Variants in GATAD2A observed in about 807,000 individuals in gnomAD.
GATAD2A encodes the protein GATA zinc finger domain containing 2A, also known as transcriptional repressor p66-alpha.
Under a neutral mutation model 68.5 loss-of-function variants are expected in GATAD2A, and 12 were observed. That is an observed-to-expected ratio of 0.18 (90% CI 0.11 to 0.28). GATAD2A has a LOEUF of 0.28. Among genes scored for constraint, GATAD2A ranks in the 10% least tolerant of loss-of-function variants. The pLI is 1.00. For missense variants in GATAD2A, 755 were observed against 868.5 expected, an observed-to-expected ratio of 0.87 and a Z score of 1.64; for synonymous variants, 410 against 375.3, an observed-to-expected ratio of 1.09 and a Z score of -1.07.
At chr19:19,419,371 C>T (rs966484879) in intron 1 of GATAD2A, among the ~76,000 whole-genome samples, 1 of 152,292 alleles carries the variant, frequency 6.6e-6, no homozygotes, top group East Asian at 1.9e-4. Context: ...GTGGCTGTTC[C>T]TGCCCATGGA....
At chr19:19,388,342 C>T (rs2048603330) in intron 1 of GATAD2A, among the ~76,000 whole-genome samples, 1 of 152,120 alleles carries the variant, frequency 6.6e-6, no homozygotes, top group South Asian at 2.1e-4. Flanking sequence ...CAGGCGTGAA[C>T]CACCGCGCCC....
intron 1 of GATAD2A, among the ~76,000 whole-genome samples, chr19:19,418,072 C>T (rs2051872571): frequency 6.6e-6 from 1 of 152,156 alleles, no homozygotes; most frequent in African/African-American, 2.4e-5. Flanking sequence ...TGGAGGGTGA[C>T]ATAGGCCCTC....
chr19:19,433,399 A>G (rs1031889051), intron 1 of GATAD2A, among the ~76,000 whole-genome samples: 1 of 152,102 alleles, frequency 6.6e-6, no homozygotes. Context: ...CTGTTTTTCC[A>G]TGTTGTTTTC....
intron 1 of GATAD2A, among the ~76,000 whole-genome samples, chr19:19,425,168 G>A (rs1035287448): frequency 3.3e-5 from 5 of 152,172 alleles, no homozygotes; most frequent in East Asian, 3.9e-4. Flanking sequence ...GCCACTGACC[G>A]TAAAGGTAAT....
At chr19:19,410,722 G>C (rs957191154) in intron 1 of GATAD2A, among the ~76,000 whole-genome samples, 1 of 152,204 alleles carries the variant, frequency 6.6e-6, no homozygotes, top group Non-Finnish European at 1.5e-5. Context: ...GTGGCCGTGT[G>C]CCTATTGCTG....
chr19:19,489,989 G>A (rs1167542291), intron 2 of GATAD2A, among the ~76,000 whole-genome samples: 3 of 152,188 alleles, frequency 2.0e-5, no homozygotes, highest in Non-Finnish European at 4.4e-5. Context: ...GTCGATCTTG[G>A]GCGGCATGGG....
intron 1 of GATAD2A, among the ~76,000 whole-genome samples, chr19:19,412,290 G>C (rs2051051187): frequency 6.6e-6 from 1 of 151,660 alleles, no homozygotes; most frequent in Non-Finnish European, 1.5e-5. Context: ...CAAGTAGCTG[G>C]GACTACAGGT....
chr19:19,461,536 G>A (rs139341054), intron 1 of GATAD2A, among the ~76,000 whole-genome samples: 3 of 152,270 alleles, frequency 2.0e-5, no homozygotes, highest in East Asian at 3.9e-4. Context: ...GGCATTTTAC[G>A]AAAATAAAGC....
rs180911069 is a variant in GATAD2A, at chr19:19,386,727, C to T, written c.-7+589C>T. On this transcript the variant is annotated intron_variant, in intron 1 of 11. Coordinates refer to the GATAD2A transcript ENST00000360315. ...CGACCCTGCTTCTCTGAGGGGACAA[C>T]CCCTCTTATCAGGGGCTCCCCCGCC... Among the ~76,000 whole-genome samples, 330 of 152,088 alleles carry T rather than the reference C, an allele frequency of 2.2e-3. 2 individuals carry two copies. The highest frequency in any genetic ancestry group is 0.016 in the South Asian group (78 of 4,822).
In GATAD2A at chr19:19,498,610, C is replaced by T. The variant is rs760659472; in HGVS notation, c.1092C>T (p.Pro364=). 6.2e-7 allele frequency: 1 copy of T among 1,613,768 alleles called. No individual in the cohort carries two copies. Among genetic ancestry groups the T allele is most frequent in the Non-Finnish European group, 8.5e-7 (1 of 1,179,886 alleles). ...KQLEKTLLEI[P]PPKPPAPEMN... Reference sequence around the variant, plus strand: ...TGGAGAAGACGCTACTCGAGATCCCCCCACCCAAGCCCCCAGCCCCAGAGA... The same window carrying T: ...TGGAGAAGACGCTACTCGAGATCCCTCCACCCAAGCCCCCAGCCCCAGAGA... Residue 364 remains proline (P), a synonymous_variant, in exon 8 of 12, where the codon CCC becomes CCT. Coordinates refer to ENST00000683918, the MANE Select transcript of GATAD2A (RefSeq NM_001384528.1).
intron 1 of GATAD2A, among the ~76,000 whole-genome samples, chr19:19,415,535 C>T (rs147033796): frequency 6.6e-6 from 1 of 151,630 alleles, no homozygotes. Flanking sequence ...CTGTAACCTC[C>T]GCTTCCCAGA....
At chr19:19,498,145 A>G (rs1439399402) in intron 7 of GATAD2A, among the ~76,000 whole-genome samples, 1 of 152,258 alleles carries the variant, frequency 6.6e-6, no homozygotes, top group African/African-American at 2.4e-5. Context: ...GTGCCCTCAC[A>G]TTCACATGGC....
chr19:19,505,299 C>A (rs1227036806), intron 11 of GATAD2A, 45 bp from the exon 12 acceptor site: 2 of 1,604,510 alleles, frequency 1.2e-6, no homozygotes, highest in Non-Finnish European at 1.7e-6. Context: ...CCCAGGAGCC[C>A]TCCTGACGAG....
At chr19:19,421,334 A>G (rs1161266806) in intron 1 of GATAD2A, among the ~76,000 whole-genome samples, 1 of 152,116 alleles carries the variant, frequency 6.6e-6, no homozygotes, top group Non-Finnish European at 1.5e-5. Context: ...TGAGTGAACT[A>G]ACGCCCCTGC....
At chr19:19,414,837 CTTTTTTTTTTTT>C (rs56353005) in intron 1 of GATAD2A, among the ~76,000 whole-genome samples, 2 of 74,758 alleles carry the variant, frequency 2.7e-5, no homozygotes, top group Admixed American at 2.8e-4. Flanking sequence ...ACCCTGCCCC[CTTTTTTTTTTTT>C]TTTTTTTTTT....
intron 5 of GATAD2A, 120 bp from the exon 6 acceptor site, chr19:19,495,634 T>TA (rs3067692): frequency 0.13 from 70,903 of 541,592 alleles, 95 homozygotes; most frequent in Middle Eastern, 0.14. Context: ...CTCTGCTACT[T>TA]AAAAAAAAAA....
rs2148462088 is a variant in GATAD2A, at chr19:19,498,489, C to T, written c.971C>T (p.Ala324Val). ...LKGTTATSAQ[A>V]NSTPTSVASV... Reference sequence around the variant, plus strand: ...GGGACAACAGCCACCTCCGCTCAGGCCAACTCCACCCCCACTAGTGTGGCC... The same window carrying T: ...GGGACAACAGCCACCTCCGCTCAGGTCAACTCCACCCCCACTAGTGTGGCC... The change falls in exon 8 of 12, where the codon GCC (alanine) becomes GTC (valine). Residue 324 changes from alanine (A) to valine (V), a missense_variant. By Grantham distance (64) the Ala-to-Val change is moderately conservative (BLOSUM62 0). Coordinates refer to ENST00000683918, the MANE Select transcript of GATAD2A (RefSeq NM_001384528.1). 6.2e-7 allele frequency: 1 copy of T among 1,613,598 alleles called. No homozygotes were observed. Among genetic ancestry groups the T allele is most frequent in the Admixed American group, 1.7e-5 (1 of 60,020 alleles).
chr19:19,488,162 C>T (rs1179214891), intron 2 of GATAD2A, among the ~76,000 whole-genome samples: 1 of 152,192 alleles, frequency 6.6e-6, no homozygotes, highest in African/African-American at 2.4e-5. Flanking sequence ...TCCGGAGAAG[C>T]TGCCCTGCTG....
At chr19:19,439,832 A>C (rs1349490795) in intron 1 of GATAD2A, among the ~76,000 whole-genome samples, 1 of 152,164 alleles carries the variant, frequency 6.6e-6, no homozygotes, top group Admixed American at 6.5e-5. Context: ...TGGGTGACAA[A>C]GTGAGACCGT....
Sources: gnomAD v4.1 joint callset for allele counts (sites outside exome capture counted in the v4.1 genomes callset) on GRCh38, gnomAD v4.1.1 for gene constraint, MANE v1.5 for transcripts, NCBI Gene and HGNC (gene_info 2026-07-23, HGNC 2026-07-21) for gene names.